BBOX1: variants seen among roughly 807,000 people sequenced by gnomAD.
BBOX1 encodes the protein gamma-butyrobetaine dioxygenase.
BBOX1 carries 35 observed loss-of-function variants against 41.6 expected under a neutral mutation model. The ratio of observed to expected loss-of-function variants is 0.84; its 90% CI spans 0.64 to 1.11. BBOX1 has a LOEUF of 1.11. BBOX1 is among the 50% of genes most tolerant of loss of function. The probability of loss-of-function intolerance (pLI) is 0.00; values close to 1 mark genes in which losing one functional copy is unlikely to be tolerated. For synonymous variants in BBOX1, 163 were observed against 154.7 expected (o/e 1.05, Z -0.40); for missense variants, 458 against 460.6 (o/e 0.99, Z 0.05).
intron 5 of BBOX1, among the ~76,000 whole-genome samples, chr11:27,095,903 AG>A (rs1858422341): frequency 6.6e-6 from 1 of 152,078 alleles, no homozygotes; most frequent in Admixed American, 6.6e-5. Context: ...AAGAATACTT[AG>A]AACAGTGGTT....
In BBOX1 at chr11:27,093,512, G is replaced by A. The variant is rs956910347; in HGVS notation, c.533+146G>A. On this transcript the variant is annotated intron_variant, in intron 5 of 8. Coordinates refer to ENST00000263182, the MANE Select transcript of BBOX1 (RefSeq NM_003986.3). Reference sequence around the variant, plus strand: ...AGATAAAAAGAAGAGTCTAAAAGTAGTATTTTGCTGAGAATGATAATTTTT... The same window carrying A: ...AGATAAAAAGAAGAGTCTAAAAGTAATATTTTGCTGAGAATGATAATTTTT... The A allele has an allele frequency of 5.5e-6, 5 of 906,058 alleles. No homozygotes were observed. The African/African-American group carries it at 8.5e-5, about 15-fold the overall frequency. 56.1% of individuals were successfully genotyped at this position (906,058 alleles called of 1,614,324 possible). A position where few individuals can be genotyped will look rare whatever the true frequency, so the allele number is the denominator to read the frequency against.
At chr11:27,043,493 G>T (rs748951488) in intron 2 of BBOX1, among the ~76,000 whole-genome samples, 1 of 152,108 alleles carries the variant, frequency 6.6e-6, no homozygotes, top group Non-Finnish European at 1.5e-5. Context: ...ATGCCATGGT[G>T]GTTTGCTGCA....
chr11:27,122,679 C>T (rs1476005982), intron 7 of BBOX1, among the ~76,000 whole-genome samples: 2 of 152,048 alleles, frequency 1.3e-5, no homozygotes, highest in East Asian at 1.9e-4. Context: ...ACAACAAATA[C>T]AACAAGTTCC....
At chr11:27,116,593 TA>T (rs2134097677) in intron 6 of BBOX1, among the ~76,000 whole-genome samples, 2 of 152,084 alleles carry the variant, frequency 1.3e-5, no homozygotes, top group East Asian at 3.9e-4. Flanking sequence ...TTCAGTCATA[TA>T]CCTGCAATTG....
At chr11:27,083,841 G>T (rs1857938776) in intron 4 of BBOX1, among the ~76,000 whole-genome samples, 1 of 152,086 alleles carries the variant, frequency 6.6e-6, no homozygotes, top group African/African-American at 2.4e-5. Flanking sequence ...ATGAGTGAAA[G>T]ATTTCAACAT....
At chr11:27,044,702 A>G (rs566107036) in intron 2 of BBOX1, among the ~76,000 whole-genome samples, 206 of 152,268 alleles carry the variant, frequency 1.4e-3, no homozygotes, top group African/African-American at 4.7e-3. Flanking sequence ...TCCTTTCCCC[A>G]TTGCTTGTTT....
At chr11:27,051,641 T>C (rs1256120189) in intron 2 of BBOX1, among the ~76,000 whole-genome samples, 2 of 152,142 alleles carry the variant, frequency 1.3e-5, no homozygotes, top group African/African-American at 2.4e-5. Context: ...TGAGCTTTTG[T>C]ATTTCTGTGG....
intron 4 of BBOX1, among the ~76,000 whole-genome samples, chr11:27,081,861 G>A (rs1305002910): frequency 1.3e-5 from 2 of 152,162 alleles, no homozygotes; most frequent in African/African-American, 2.4e-5. Context: ...CTTCCTTTGA[G>A]AAGTGTCTGT....
At chr11:27,094,885 G>A (rs1858380915) in intron 5 of BBOX1, among the ~76,000 whole-genome samples, 1 of 151,926 alleles carries the variant, frequency 6.6e-6, no homozygotes, top group African/African-American at 2.4e-5. Flanking sequence ...AGAGATTACA[G>A]CAACAACAAC....
intron 5 of BBOX1, among the ~76,000 whole-genome samples, chr11:27,100,809 C>A (rs1193421133): frequency 1.3e-5 from 2 of 151,964 alleles, no homozygotes; most frequent in African/African-American, 2.4e-5. Flanking sequence ...ATGAGATAAC[C>A]AATTAAGGCA....
At chr11:27,086,018 A>G (rs1476050467) in intron 4 of BBOX1, among the ~76,000 whole-genome samples, 2 of 152,114 alleles carry the variant, frequency 1.3e-5, no homozygotes, top group African/African-American at 4.8e-5. Flanking sequence ...GAGAGAGGTA[A>G]AGAAGCTATA....
chr11:27,072,962 T>C (rs1350159568), intron 4 of BBOX1, among the ~76,000 whole-genome samples: 5 of 152,134 alleles, frequency 3.3e-5, no homozygotes, highest in Non-Finnish European at 2.9e-5. Flanking sequence ...ATATAAACCC[T>C]AGAAGAAAAC....
intron 4 of BBOX1, among the ~76,000 whole-genome samples, chr11:27,089,901 T>C (rs2134035112): frequency 6.6e-6 from 1 of 152,124 alleles, no homozygotes; most frequent in African/African-American, 2.4e-5. Flanking sequence ...GTAATTTGTA[T>C]AACATTTATC....
intron 3 of BBOX1, 44 bp from the exon 4 acceptor site, chr11:27,057,157 G>A (rs1400431458): frequency 1.5e-6 from 2 of 1,352,750 alleles, no homozygotes; most frequent in South Asian, 2.8e-5. Flanking sequence ...GTGGAGAACG[G>A]AAATAAAATC....
At chr11:27,086,211 G>A (rs1440406253) in intron 4 of BBOX1, among the ~76,000 whole-genome samples, 1 of 152,084 alleles carries the variant, frequency 6.6e-6, no homozygotes, top group Non-Finnish European at 1.5e-5. Context: ...TGTCCATGTA[G>A]ATAAAATGCC....
intron 5 of BBOX1, 109 bp downstream of exon 5, chr11:27,093,475 G>A: frequency 8.8e-7 from 1 of 1,140,714 alleles, no homozygotes; most frequent in Non-Finnish European, 1.2e-6. Flanking sequence ...ATAATGTCTT[G>A]AGTAGGAAGT....
At chr11:27,052,127 T>C (rs943856655) in intron 2 of BBOX1, among the ~76,000 whole-genome samples, 1 of 152,104 alleles carries the variant, frequency 6.6e-6, no homozygotes, top group Admixed American at 6.6e-5. Flanking sequence ...GTTTTTCCCC[T>C]GGTATTGATT....
At chr11:27,100,424 G>A (rs939030822) in intron 5 of BBOX1, among the ~76,000 whole-genome samples, 4 of 152,086 alleles carry the variant, frequency 2.6e-5, no homozygotes, top group Admixed American at 6.6e-5. Flanking sequence ...AGAAGACAAA[G>A]AAAAATTGCC....
chr11:27,048,864 A>G (rs555786095), intron 2 of BBOX1, among the ~76,000 whole-genome samples: 28 of 147,958 alleles, frequency 1.9e-4, no homozygotes, highest in Admixed American at 4.0e-4. Context: ...GTCATCTAGC[A>G]TTAGGTATAT....
Sources: gnomAD v4.1 joint callset for allele counts (sites outside exome capture counted in the v4.1 genomes callset) on GRCh38, gnomAD v4.1.1 for gene constraint, MANE v1.5 for transcripts, NCBI Gene and HGNC (gene_info 2026-07-23, HGNC 2026-07-21) for gene names.